RNF14: variants seen among roughly 807,000 people sequenced by gnomAD.
RNF14 encodes ring finger protein 14.
In RNF14, 26 loss-of-function variants were observed where a neutral mutation model predicts 52.6. That is an observed-to-expected ratio of 0.49 (90% confidence interval 0.36 to 0.69). The LOEUF (loss-of-function observed/expected upper bound fraction) is 0.69. Ranked by LOEUF, RNF14 falls within the 30% of genes least tolerant of loss-of-function variation. The probability of loss-of-function intolerance (pLI) is 0.00; values close to 1 mark genes in which losing one functional copy is unlikely to be tolerated. For synonymous variants in RNF14, 194 were observed against 202.0 expected, an observed-to-expected ratio of 0.96 and a Z score of 0.34; for missense variants, 404 against 560.4, an observed-to-expected ratio of 0.72 and a Z score of 2.82.
At chr5:141,984,397 C>T (rs1377112889) in intron 7 of RNF14, among the ~76,000 whole-genome samples, 2 of 152,100 alleles carry the variant, frequency 1.3e-5, no homozygotes, top group African/African-American at 2.4e-5. Context: ...CACACCTGGC[C>T]ATATAATCAC....
intron 5 of RNF14, 91 bp downstream of exon 5, chr5:141,978,921 G>A (rs1754504720): frequency 2.9e-6 from 4 of 1,375,864 alleles, no homozygotes; most frequent in Admixed American, 2.1e-5. Flanking sequence ...GGCTCATGGG[G>A]CAGTCCGAGG....
intron 7 of RNF14, 78 bp downstream of exon 7, chr5:141,983,630 A>T (rs1294036056): frequency 2.7e-5 from 34 of 1,272,446 alleles, no homozygotes; most frequent in Non-Finnish European, 3.5e-5. Context: ...CTTACTAGTC[A>T]ATTTTATGAC....
chr5:141,973,565 T>A lies in RNF14; in HGVS notation c.-6-18T>A, dbSNP rs773495726. 6.3e-7 allele frequency: 1 copy of A among 1,599,914 alleles called. No homozygotes were observed. The highest frequency in any genetic ancestry group is 8.5e-7 in the Non-Finnish European group (1 of 1,174,414). On this transcript the variant is annotated intron_variant, in intron 2 of 8. Transcript: ENST00000394520. ...CCTCTGTGCATTTTCTGTTCTTAACTGATTTTAATGTTTTCAGGTCCTTAT... is the reference window on the plus strand; with the variant it reads ...CCTCTGTGCATTTTCTGTTCTTAACAGATTTTAATGTTTTCAGGTCCTTAT...
At position 141,988,473 on chromosome 5, in the gene RNF14, C is replaced by G. The variant is rs899685088; in HGVS notation, c.*683C>G. On this transcript the variant is annotated 3_prime_UTR_variant, in exon 9 of 9. Coordinates refer to ENST00000394520, the MANE Select transcript of RNF14 (RefSeq NM_004290.5). ...GTGTATATGGTCCACTGGTTTCAGG[C>G]CAAATCTAGAATTTAGTGATACTGG... 2.0e-5 allele frequency: 3 copies of G among 152,262 alleles called. No individual in the cohort carries two copies. The allele number at this position is 152,262 out of a possible 1,614,324, so 9.4% of individuals were successfully genotyped here.
chr5:141,980,260 C>T lies in RNF14; in HGVS notation c.972C>T (p.Cys324=), dbSNP rs1211966997. The change falls in exon 6 of 9, where the codon TGC becomes TGT. Residue 324 remains cysteine, a synonymous_variant. Coordinates refer to ENST00000394520, the MANE Select transcript of RNF14 (RefSeq NM_004290.5). ...TGCCTGTGATGCAGGAACCTGGCTG[C>T]ACCATGGGTATCTGCTCCAGCTGCA... ...CQLPVMQEPG[C]TMGICSSCNF... The T allele has an allele frequency of 1.2e-6, 2 of 1,614,242 alleles. No individual in the cohort carries two copies. The highest frequency in any genetic ancestry group is 1.7e-6 in the Non-Finnish European group (2 of 1,180,030).
At chr5:141,974,380 G>T (rs1754060047) in intron 3 of RNF14, among the ~76,000 whole-genome samples, 1 of 152,196 alleles carries the variant, frequency 6.6e-6, no homozygotes, top group South Asian at 2.1e-4. Context: ...CTGATTCATG[G>T]GTAGTTGGGA....
At chr5:141,975,430 T>C (rs1027313785) in intron 4 of RNF14, among the ~76,000 whole-genome samples, 1 of 152,192 alleles carries the variant, frequency 6.6e-6, no homozygotes, top group Non-Finnish European at 1.5e-5. Context: ...TAAAAATCTG[T>C]ATTAATAACA....
chr5:141,969,111 G>T lies in RNF14; in HGVS notation c.-237G>T, dbSNP rs1316568423. ...GGCTCAGCTGACAGCTCCCGAGAAC[G>T]GAAGAGGCGGCGCGCCGGTTGAGCA... On this transcript the variant is annotated 5_prime_UTR_variant, in exon 1 of 9. Transcript: ENST00000394520. 1 of 152,452 alleles carries T rather than the reference G, an allele frequency of 6.6e-6. No homozygotes were observed. The highest frequency in any genetic ancestry group is 1.5e-5 in the Non-Finnish European group (1 of 68,134). 9.4% of individuals were successfully genotyped at this position (152,452 alleles called of 1,614,324 possible). A position where few individuals can be genotyped will look rare whatever the true frequency, so the allele number is the denominator to read the frequency against.
At chr5:141,949,667 T>A in the RNF14 span, 1 of 1,517,138 alleles carries the variant, frequency 6.6e-7, no homozygotes, top group Non-Finnish European at 8.9e-7. Flanking sequence ...TTGCATTCAT[T>A]TACCCATATA....
upstream of RNF14, chr5:141,957,514 G>A (rs759707301): frequency 2.5e-6 from 4 of 1,614,136 alleles, no homozygotes; most frequent in South Asian, 4.4e-5. The surrounding 1 kb of genome is among the most constrained non-coding windows in gnomAD (Gnocchi z 4.3). Context: ...CAAATCCCCT[G>A]TGGCAAGCAC....
At chr5:141,971,701 G>T (rs970806779) in intron 2 of RNF14, among the ~76,000 whole-genome samples, 9 of 142,674 alleles carry the variant, frequency 6.3e-5, no homozygotes, top group Non-Finnish European at 9.0e-5. Context: ...GAATGCAGTG[G>T]TGCAATCTCA....
At chr5:141,983,625 T>C in intron 7 of RNF14, 73 bp downstream of exon 7, 1 of 1,321,448 alleles carries the variant, frequency 7.6e-7, no homozygotes, top group Non-Finnish European at 1.0e-6. Context: ...GAAGCCTTAC[T>C]AGTCAATTTT....
Position 141,978,772 on chromosome 5 carries a change from A to G in RNF14, c.776A>G (p.Gln259Arg). 1 of 1,614,028 alleles carries G rather than the reference A, an allele frequency of 6.2e-7. No individual in the cohort carries two copies. Among genetic ancestry groups the G allele is most frequent in the East Asian group, 2.2e-5 (1 of 44,890 alleles). Residue 259 changes from glutamine (Q) to arginine (R), a missense_variant, in exon 5 of 9, where the codon CAG becomes CGG. Coordinates refer to ENST00000394520, the MANE Select transcript of RNF14 (RefSeq NM_004290.5). ...TTTGAAATCCAGATCAGAGATGGCC[A>G]GGTTCAATGCCTCAACTGCCCAGAA... Reference protein sequence around the residue: ...DYFEIQIRDGQVQCLNCPEPK... With the variant: ...DYFEIQIRDGRVQCLNCPEPK...
chr5:141,970,567 C>G (rs1753655073), intron 1 of RNF14, 137 bp from the exon 2 acceptor site: 1 of 152,190 alleles, frequency 6.6e-6, no homozygotes, highest in Admixed American at 6.5e-5. Context: ...TTAGCCTGCC[C>G]TAGGAGAGTA....
chr5:141,973,993 T>G lies in RNF14; in HGVS notation c.154+251T>G, dbSNP rs560341924. On this transcript the variant is annotated intron_variant, in intron 3 of 8. Transcript: ENST00000394520. The stretch of plus-strand genomic sequence containing the variant: ...CATCCTGGTCTGCTAACTAGCAGTT[T>G]ATCAGCCATGAGTCATTGGCTGTTA... Among the ~76,000 whole-genome samples, 129 of 152,384 alleles carry G rather than the reference T, an allele frequency of 8.5e-4. No individual in the cohort carries two copies. The East Asian group carries it at 0.021, about 25-fold the overall frequency.
chr5:141,954,049 C>T (rs564309697), upstream of RNF14, among the ~76,000 whole-genome samples: 3 of 152,204 alleles, frequency 2.0e-5, no homozygotes, highest in Non-Finnish European at 4.4e-5. Flanking sequence ...CTCATCATCC[C>T]ATTTAGCCCT....
upstream of RNF14, among the ~76,000 whole-genome samples, chr5:141,967,901 A>C (rs1753409228): frequency 6.6e-6 from 1 of 152,232 alleles, no homozygotes; most frequent in Admixed American, 6.5e-5. Flanking sequence ...TTTCTAGTAC[A>C]CTCACAAAGT....
chr5:141,980,127 A>C lies in RNF14; in HGVS notation c.839A>C (p.Lys280Thr), dbSNP rs759073992. The C allele has an allele frequency of 1.2e-6, 2 of 1,613,760 alleles. No individual in the cohort carries two copies. The highest frequency in any genetic ancestry group is 1.7e-6 in the Non-Finnish European group (2 of 1,179,746). Reference protein sequence around the residue: ...CPSVATPGQVKELVEAELFAR... With the variant: ...CPSVATPGQVTELVEAELFAR... ...GTGTTTTGTATTTCCCTCCAGGTCA[A>C]AGAGTTAGTGGAAGCAGAGTTATTT... is the stretch of plus-strand genomic sequence containing the variant. Residue 280 changes from lysine (K) to threonine (T), a missense_variant, in exon 6 of 9, where the codon AAA becomes ACA. Coordinates refer to ENST00000394520, the MANE Select transcript of RNF14 (RefSeq NM_004290.5).
chr5:141,951,345 A>G, the RNF14 span: 38 of 638,214 alleles, frequency 6.0e-5, no homozygotes, highest in African/African-American at 6.3e-4. Context: ...CAAAACTCCC[A>G]GGGTGGGAGG....
Sources: allele counts gnomAD v4.1 joint callset (sites outside exome capture counted in the v4.1 genomes callset), GRCh38; gene constraint gnomAD v4.1.1; non-coding constraint Gnocchi (gnomAD v3.1); transcripts MANE v1.5; gene names NCBI Gene and HGNC (gene_info 2026-07-23, HGNC 2026-07-21).